LHPP: variants seen among roughly 807,000 people sequenced by gnomAD.
LHPP encodes phospholysine phosphohistidine inorganic pyrophosphate phosphatase, also known as hLHPP.
LHPP carries 24 observed loss-of-function variants against 30.3 expected under a neutral mutation model. The ratio of observed to expected loss-of-function variants is 0.79; its 90% CI spans 0.57 to 1.11. LHPP has a LOEUF of 1.11. Ranked by LOEUF, LHPP falls within the 50% of genes most tolerant of loss-of-function variation. LHPP has a pLI of 0.00. For missense variants in LHPP, 356 were observed against 367.2 expected, an observed-to-expected ratio of 0.97 and a Z score of 0.25; for synonymous variants, 150 against 157.1, an observed-to-expected ratio of 0.95 and a Z score of 0.34.
intron 6 of LHPP, among the ~76,000 whole-genome samples, chr10:124,610,756 T>C (rs373423657): frequency 2.3e-3 from 151 of 64,850 alleles, no homozygotes; most frequent in Admixed American, 5.1e-3. Flanking sequence ...ATGGAGCGGG[T>C]GAGGGTGCGG....
chr10:124,462,117 C>T (rs1027452189), intron 1 of LHPP, 130 bp downstream of exon 1: 3 of 846,938 alleles, frequency 3.5e-6, no homozygotes, highest in Admixed American at 9.7e-5. Context: ...TCCCCCTTCC[C>T]ACCCCGGTGC....
rs780252099 is a variant in LHPP, at chr10:124,498,882, C to CA, written c.624+754_624+755insA. ...GGTATATGCCACCACGCCTGGCAAA[C>CA]TTTTTTTTTTTTTTTTTGAGACAGA... On this transcript the variant is annotated intron_variant, in intron 5 of 6. Coordinates refer to ENST00000368842, the MANE Select transcript of LHPP (RefSeq NM_022126.4). 4.0e-3 allele frequency: 777 copies of CA among 193,426 alleles called. 12 individuals carry two copies. The highest frequency in any genetic ancestry group is 0.022 in the African/African-American group (743 of 33,280). The allele number at this position is 193,426 out of a possible 1,614,324, so 12.0% of individuals were successfully genotyped here.
chr10:124,560,617 C>T (rs753137440), intron 6 of LHPP, among the ~76,000 whole-genome samples: 1 of 152,202 alleles, frequency 6.6e-6, no homozygotes, highest in Non-Finnish European at 1.5e-5. Flanking sequence ...GGTGATTCTG[C>T]CTCTAGAGAA....
chr10:124,526,728 C>T (rs1280412992), intron 6 of LHPP, among the ~76,000 whole-genome samples: 2 of 152,154 alleles, frequency 1.3e-5, no homozygotes, highest in African/African-American at 4.8e-5. Context: ...TAGACCCCAC[C>T]CACCCACCTG....
chr10:124,478,289 C>T lies in LHPP; in HGVS notation c.126-5850C>T, dbSNP rs1177754972. On this transcript the variant is annotated intron_variant, in intron 1 of 6. Transcript: ENST00000368842. The surrounding 1 kb of genome is among the most constrained non-coding windows in gnomAD (Gnocchi z 4.7). ...CTTTGTAGGATGATCAGGGTCAGGC[C>T]CCAGGGGAGCATGAAAGCAAAGACT... 1.3e-5 allele frequency among the ~76,000 whole-genome samples: 2 copies of T among 152,114 alleles called. No homozygotes were observed. The highest frequency in any genetic ancestry group is 2.9e-5 in the Non-Finnish European group (2 of 68,004).
chr10:124,580,058 A>G (rs1948724094), intron 6 of LHPP, among the ~76,000 whole-genome samples: 1 of 152,216 alleles, frequency 6.6e-6, no homozygotes, highest in Admixed American at 6.5e-5. Flanking sequence ...GACCTTGACC[A>G]TTGAAACTTC....
intron 6 of LHPP, among the ~76,000 whole-genome samples, chr10:124,582,666 C>T (rs974449806): frequency 6.6e-6 from 1 of 151,776 alleles, no homozygotes; most frequent in Non-Finnish European, 1.5e-5. Context: ...TGTATTACAC[C>T]CTATATTCTT....
At chr10:124,572,980 G>C (rs1948609724) in intron 6 of LHPP, among the ~76,000 whole-genome samples, 1 of 152,234 alleles carries the variant, frequency 6.6e-6, no homozygotes, top group South Asian at 2.1e-4. Flanking sequence ...GCATGTATCA[G>C]TGTGCATGGA....
At chr10:124,558,542 A>G (rs1948340607) in intron 6 of LHPP, among the ~76,000 whole-genome samples, 1 of 152,200 alleles carries the variant, frequency 6.6e-6, no homozygotes, top group Non-Finnish European at 1.5e-5. Context: ...CTGGTTCAGA[A>G]GCCAGAAGGC....
chr10:124,557,702 C>T (rs1356884572), intron 6 of LHPP, among the ~76,000 whole-genome samples: 1 of 152,084 alleles, frequency 6.6e-6, no homozygotes, highest in Admixed American at 6.5e-5. Flanking sequence ...CTGGTGGGCT[C>T]ACTCCCTGCA....
intron 6 of LHPP, among the ~76,000 whole-genome samples, chr10:124,542,133 G>C (rs1014960722): frequency 3.9e-5 from 6 of 152,114 alleles, no homozygotes; most frequent in Non-Finnish European, 7.4e-5. Context: ...ACCGCAGTTA[G>C]AGCTGACCAG....
chr10:124,587,024 CTTTTT>C (rs57728201), intron 6 of LHPP, among the ~76,000 whole-genome samples: 5 of 120,740 alleles, frequency 4.1e-5, no homozygotes, highest in Admixed American at 8.8e-5. Context: ...GTGCTTGCTA[CTTTTT>C]TTTTTTTTTT....
In LHPP at chr10:124,517,198, G is replaced by A. The variant is rs140823928; in HGVS notation, c.643G>A (p.Asp215Asn). ...EAHQAVMIGD[D>N]IVGDVGGAQR... ...GTGACAGGCCGTCATGATTGGGGAC[G>A]ATATCGTGGGCGACGTCGGCGGTGC... Residue 215 changes from aspartate (D) to asparagine (N), a missense_variant, in exon 6 of 7, where the codon GAT becomes AAT. Physicochemically the swap from Asp to Asn is conservative, Grantham distance 23. Transcript: ENST00000368842. This position sits in a 1 kb window ranked among gnomAD's most constrained non-coding sequence, Gnocchi z 4.1. 1.0e-3 allele frequency: 1,662 copies of A among 1,606,066 alleles called. 15 individuals carry two copies. In the African/African-American group the frequency reaches 0.017, roughly 17 times the overall value.
intron 6 of LHPP, among the ~76,000 whole-genome samples, chr10:124,594,805 A>AT (rs2134005073): frequency 6.6e-6 from 1 of 151,706 alleles, no homozygotes; most frequent in South Asian, 2.1e-4. Flanking sequence ...TAATTTTTGT[A>AT]TTTTTTAGTA....
intron 5 of LHPP, among the ~76,000 whole-genome samples, chr10:124,515,044 C>T (rs1954412469): frequency 6.6e-6 from 1 of 152,150 alleles, no homozygotes; most frequent in African/African-American, 2.4e-5. Context: ...TCAAGTGATC[C>T]TCCCACCTCA....
intron 6 of LHPP, among the ~76,000 whole-genome samples, chr10:124,584,492 C>T (rs1437776534): frequency 6.6e-6 from 1 of 152,026 alleles, no homozygotes; most frequent in Non-Finnish European, 1.5e-5. Context: ...AAGATGGTGC[C>T]TCTTGGTTTG....
intron 5 of LHPP, among the ~76,000 whole-genome samples, chr10:124,501,277 G>A (rs1589800220): frequency 1.3e-5 from 2 of 151,954 alleles, no homozygotes; most frequent in African/African-American, 2.4e-5. Flanking sequence ...CAGCTTCAGG[G>A]TACGAGGTCT....
chr10:124,575,150 A>G (rs1045227121), intron 6 of LHPP, among the ~76,000 whole-genome samples: 12 of 152,148 alleles, frequency 7.9e-5, no homozygotes, highest in African/African-American at 2.7e-4. Context: ...ACAAAGGGCA[A>G]AATAGGAAGT....
chr10:124,496,495 G>A lies in LHPP; in HGVS notation c.468-466G>A, dbSNP rs924544260. On this transcript the variant is annotated intron_variant, in intron 3 of 6. Coordinates refer to ENST00000368842, the MANE Select transcript of LHPP (RefSeq NM_022126.4). This position sits in a 1 kb window ranked among gnomAD's most constrained non-coding sequence, Gnocchi z 4.3. Reference sequence around the variant, plus strand: ...CCTCCGGCTAACGGGATGCGGCAGGGTGCTGTGGAACTAATGGAGTTCTCT... The same window carrying A: ...CCTCCGGCTAACGGGATGCGGCAGGATGCTGTGGAACTAATGGAGTTCTCT... Among the ~76,000 whole-genome samples the A allele has an allele frequency of 1.3e-4, 20 of 152,214 alleles. No homozygotes were observed. Among genetic ancestry groups the A allele is most frequent in the African/African-American group, 4.8e-4 (20 of 41,436 alleles).
Sources: allele counts gnomAD v4.1 joint callset (sites outside exome capture counted in the v4.1 genomes callset), GRCh38; gene constraint gnomAD v4.1.1; non-coding constraint Gnocchi (gnomAD v3.1); transcripts MANE v1.5; gene names NCBI Gene and HGNC (gene_info 2026-07-23, HGNC 2026-07-21).